Variants in ABCA12 observed in about 807,000 individuals in gnomAD.
ABCA12 encodes the protein glucosylceramide transporter ABCA12.
In ABCA12, 156 loss-of-function variants were observed where a neutral mutation model predicts 293.5. The ratio of observed to expected loss-of-function variants is 0.53; its 90% confidence interval spans 0.47 to 0.61. ABCA12 has a LOEUF of 0.61. Ranked by LOEUF, ABCA12 falls within the 20% of genes least tolerant of loss-of-function variation. The pLI is 0.00. For missense variants in ABCA12, 2,797 were observed against 3,090.2 expected (o/e 0.91, Z 2.25); for synonymous variants, 1,063 against 1,108.0 (o/e 0.96, Z 0.81).
At position 215,000,973 on chromosome 2, in the gene ABCA12, C is replaced by A; in HGVS notation, c.2911G>T (p.Asp971Tyr). Residue 971 changes from aspartate to tyrosine, a missense_variant, in exon 22 of 53, where the codon GAC becomes TAC. Physicochemically the swap from Asp to Tyr is radical, Grantham distance 160. This residue lies in a region of ABCA12 where 2,130 missense variants were observed against 2,427.0 expected (regional missense o/e 0.88). Coordinates refer to ENST00000272895, the MANE Select transcript of ABCA12 (RefSeq NM_173076.3). ...PSNRSWHRGYDSGNVFLPPVI... is the reference protein window; with the variant it reads ...PSNRSWHRGYYSGNVFLPPVI... ...GGAGGAAGAAAGACATTTCCAGAGT[C>A]ATAGCCTCTGTGCCAGCTTCTGTTA... The A allele has an allele frequency of 6.2e-7, 1 of 1,614,032 alleles. No individual in the cohort carries two copies. The highest frequency in any genetic ancestry group is 1.1e-5 in the South Asian group (1 of 91,060).
intron 1 of ABCA12, among the ~76,000 whole-genome samples, chr2:215,119,701 C>T (rs1367472137): frequency 6.8e-6 from 1 of 146,624 alleles, no homozygotes; most frequent in East Asian, 2.0e-4. Flanking sequence ...CTGTTTTGGC[C>T]TCACATGAGT....
intron 2 of ABCA12, among the ~76,000 whole-genome samples, chr2:215,092,665 C>A (rs190751275): frequency 1.2e-4 from 19 of 152,304 alleles, no homozygotes; most frequent in African/African-American, 4.6e-4. Flanking sequence ...ATTCTCCTTA[C>A]AACTCTCCTA....
intron 1 of ABCA12, among the ~76,000 whole-genome samples, chr2:215,120,745 A>G (rs1702789413): frequency 6.6e-6 from 1 of 152,186 alleles, no homozygotes; most frequent in Non-Finnish European, 1.5e-5. Context: ...GAAACTCTTC[A>G]TCATTGGACA....
chr2:215,096,636 T>C (rs1702255036), intron 2 of ABCA12, among the ~76,000 whole-genome samples: 2 of 152,190 alleles, frequency 1.3e-5, no homozygotes, highest in Admixed American at 6.5e-5. Context: ...ACTTACTCAT[T>C]CTTCTCCATT....
rs115527414 is a variant in ABCA12, at chr2:214,989,568, G to A, written c.3678C>T (p.Tyr1226=). The change falls in exon 25 of 53, where the codon TAC becomes TAT. Residue 1226 remains tyrosine (Y), a synonymous_variant. Coordinates refer to ENST00000272895, the MANE Select transcript of ABCA12 (RefSeq NM_173076.3). The stretch of plus-strand genomic sequence containing the variant: ...GGGACCTACCAATGCCCTGTTCTTC[G>A]TATCGTGCAATGTATTGGCTTGCAT... The part of the protein sequence containing the change: ...FSYASQYIAR[Y]EEQGIGLQWE... 3.3e-4 allele frequency: 525 copies of A among 1,614,060 alleles called. No individual in the cohort carries two copies. The African/African-American group carries it at 5.4e-3, about 17-fold the overall frequency.
Position 215,019,388 on chromosome 2 carries a change from G to C in ABCA12, c.1605C>G (p.Ile535Met). 1 of 1,613,386 alleles carries C rather than the reference G, an allele frequency of 6.2e-7. No individual in the cohort carries two copies. Among genetic ancestry groups the C allele is most frequent in the African/African-American group, 1.3e-5 (1 of 75,044 alleles). Reference sequence around the variant, plus strand: ...TATTGACATGCAGCATGGCTTCTATGATCGGTATTAACTGAGTGATATTTT... The same window carrying C: ...TATTGACATGCAGCATGGCTTCTATCATCGGTATTAACTGAGTGATATTTT... ...YLENITQLIP[I>M]IEAMLHVNNS... Residue 535 changes from isoleucine to methionine, a missense_variant, in exon 13 of 53, where the codon ATC becomes ATG. Coordinates refer to ENST00000272895, the MANE Select transcript of ABCA12 (RefSeq NM_173076.3).
chr2:215,031,683 C>T lies in ABCA12; in HGVS notation c.1061+138G>A, dbSNP rs144565684. ...TCAACTTTACTACACTTGGACTATG[C>T]CCTTTCCTCTGCTCAGTCAATAGTT... is the stretch of plus-strand genomic sequence containing the variant. On this transcript the variant is annotated intron_variant, in intron 9 of 52. Coordinates refer to ENST00000272895, the MANE Select transcript of ABCA12 (RefSeq NM_173076.3). The T allele has an allele frequency of 6.0e-5, 59 of 988,636 alleles. No homozygotes were observed. In the African/African-American group the frequency reaches 6.5e-4, roughly 11 times the overall value. The allele number at this position is 988,636 out of a possible 1,614,324, so 61.2% of individuals were successfully genotyped here. A position where few individuals can be genotyped will look rare whatever the true frequency, so the allele number is the denominator to read the frequency against.
intron 37 of ABCA12, among the ~76,000 whole-genome samples, chr2:214,969,108 C>T (rs1002244551): frequency 6.6e-6 from 1 of 151,944 alleles, no homozygotes; most frequent in African/African-American, 2.4e-5. Context: ...GACCCATCTA[C>T]CATCTCAAAT....
At position 215,001,636 on chromosome 2, in the gene ABCA12, G is replaced by A. The variant is rs765288755; in HGVS notation, c.2785C>T (p.Arg929Cys). 1.6e-5 allele frequency: 26 copies of A among 1,613,486 alleles called. No homozygotes were observed. Among genetic ancestry groups the A allele is most frequent in the South Asian group, 7.7e-5 (7 of 91,056 alleles). ...TCTATGGTTTTTGCTGCCTGAATAC[G>A]GTCATATAATACACAAGAGGAAATA... ...VNISSCVLYD[R>C]IQAAKTIDEM... is the part of the protein sequence containing the mutation. The change falls in exon 21 of 53, where the codon CGT (arginine) becomes TGT (cysteine). Residue 929 changes from arginine (R) to cysteine (C), a missense_variant. Physicochemically the swap from Arg to Cys is radical, Grantham distance 180. This residue lies in a region of ABCA12 where 2,130 missense variants were observed against 2,427.0 expected (regional missense o/e 0.88). Transcript: ENST00000272895.
intron 19 of ABCA12, among the ~76,000 whole-genome samples, chr2:215,006,868 T>C (rs890280842): frequency 7.0e-4 from 1 of 1,422 alleles, no homozygotes; most frequent in Non-Finnish European, 2.6e-3. Context: ...AATTCCTGCC[T>C]TTTTTTTTTT....
chr2:214,949,037 T>C lies in ABCA12; in HGVS notation c.6962+3A>G, dbSNP rs1698668704. 10 of 1,609,422 alleles carry C rather than the reference T, an allele frequency of 6.2e-6. No individual in the cohort carries two copies. In the East Asian group the frequency reaches 6.7e-5, roughly 11 times the overall value. The stretch of plus-strand genomic sequence containing the variant: ...GCTAAATTGAAGCATTAGTTTTTCA[T>C]ACCCGGTCTTATTTCTGATCAGAAT... On this transcript the variant is annotated splice_donor_region_variant and intron_variant, in intron 46 of 52. Coordinates refer to ENST00000272895, the MANE Select transcript of ABCA12 (RefSeq NM_173076.3).
At chr2:214,972,383 T>A (rs1383699367) in intron 36 of ABCA12, among the ~76,000 whole-genome samples, 1 of 152,142 alleles carries the variant, frequency 6.6e-6, no homozygotes, top group Non-Finnish European at 1.5e-5. Flanking sequence ...TGGAAAAAAT[T>A]GAAGATCTAC....
chr2:214,979,372 C>G (rs984127482), intron 31 of ABCA12, among the ~76,000 whole-genome samples: 1 of 152,110 alleles, frequency 6.6e-6, no homozygotes, highest in African/African-American at 2.4e-5. Flanking sequence ...CTCCAGATAG[C>G]GATGTGTCCC....
chr2:214,945,093 G>A lies in ABCA12; in HGVS notation c.7251C>T (p.Ser2417=). The change falls in exon 49 of 53, where the codon AGC becomes AGT. Residue 2417 remains serine, a synonymous_variant. Coordinates refer to ENST00000272895, the MANE Select transcript of ABCA12 (RefSeq NM_173076.3). The stretch of plus-strand genomic sequence containing the variant: ...GTTTCGACTTCGGATCCATGCCAGA[G>A]CTCGGCTCATCCTTAATAGAAAGTT... ...KPSILLLDEP[S]SGMDPKSKRH... is the part of the protein sequence containing the mutation. 2 of 1,613,226 alleles carry A rather than the reference G, an allele frequency of 1.2e-6. No individual in the cohort carries two copies. Among genetic ancestry groups the A allele is most frequent in the South Asian group, 1.1e-5 (1 of 91,008 alleles).
chr2:215,085,886 C>T (rs757309933), intron 2 of ABCA12, among the ~76,000 whole-genome samples: 29 of 151,982 alleles, frequency 1.9e-4, no homozygotes, highest in Non-Finnish European at 3.5e-4. Flanking sequence ...GTTATGTAAT[C>T]GCAGATTCCT....
chr2:214,992,384 A>C, intron 23 of ABCA12, among the ~76,000 whole-genome samples: 1 of 141,062 alleles, frequency 7.1e-6, no homozygotes, highest in African/African-American at 2.6e-5. Context: ...CGGAGCTTGC[A>C]GTGAGCCGAG....
intron 1 of ABCA12, among the ~76,000 whole-genome samples, chr2:215,112,484 TTG>T (rs1702593773): frequency 9.4e-6 from 1 of 106,394 alleles, no homozygotes; most frequent in African/African-American, 6.1e-5. Context: ...TGGGTTTTTT[TTG>T]TTTTTTTTTT....
chr2:214,997,840 G>A lies in ABCA12; in HGVS notation c.3180-31C>T, dbSNP rs113140339. On this transcript the variant is annotated intron_variant, in intron 22 of 52. Transcript: ENST00000272895. ...AAACAAACAAAAAAAGAAAAATTCA[G>A]CGACCAAAATGAACACCATACTTGC... 33 of 1,401,504 alleles carry A rather than the reference G, an allele frequency of 2.4e-5. No homozygotes were observed. The African/African-American group carries it at 4.4e-4, about 19-fold the overall frequency. The allele number at this position is 1,401,504 out of a possible 1,614,324, so 86.8% of individuals were successfully genotyped here.
At chr2:215,112,008 ATCCTTTAGAGTT>A (rs1392434255) in intron 1 of ABCA12, among the ~76,000 whole-genome samples, 1 of 152,140 alleles carries the variant, frequency 6.6e-6, no homozygotes, top group Non-Finnish European at 1.5e-5. Flanking sequence ...TTCCTTAAAA[ATCCTTTAGAGTT>A]TCCCACTTCC....
Sources: allele counts gnomAD v4.1 joint callset (sites outside exome capture counted in the v4.1 genomes callset), GRCh38; gene constraint gnomAD v4.1.1; regional missense constraint gnomAD v4.1.1; transcripts MANE v1.5; gene names NCBI Gene and HGNC (gene_info 2026-07-23, HGNC 2026-07-21).